PTPN3: variants seen among roughly 807,000 people sequenced by gnomAD.
The protein encoded by PTPN3 is protein tyrosine phosphatase non-receptor type 3.
PTPN3 carries 96 observed loss-of-function variants against 132.7 expected under a neutral mutation model. The observed-to-expected ratio is 0.72, with a 90% CI of 0.61 to 0.86. PTPN3 has a LOEUF of 0.86. Ranked by LOEUF, PTPN3 falls within the 40% of genes least tolerant of loss-of-function variation. PTPN3 has a pLI of 0.00. For missense variants in PTPN3, 1,125 were observed against 1,159.6 expected (o/e 0.97, Z 0.43); for synonymous variants, 398 against 429.0 (o/e 0.93, Z 0.89).
intron 2 of PTPN3, among the ~76,000 whole-genome samples, chr9:109,460,954 A>G (rs1298764694): frequency 6.6e-6 from 1 of 152,234 alleles, no homozygotes; most frequent in Non-Finnish European, 1.5e-5. Flanking sequence ...ACAAACATTC[A>G]TGTTTTCGTC....
chr9:109,410,211 C>G lies in PTPN3; in HGVS notation c.1500+18G>C. 6.2e-7 allele frequency: 1 copy of G among 1,611,814 alleles called. No homozygotes were observed. Among genetic ancestry groups the G allele is most frequent in the South Asian group, 1.1e-5 (1 of 90,920 alleles). ...AGCCCTGGGTGTGTGGATCACCCGGCTGCCTGCGCTCGCTCACCTTGTCAC... is the reference window on the plus strand; with the variant it reads ...AGCCCTGGGTGTGTGGATCACCCGGGTGCCTGCGCTCGCTCACCTTGTCAC... On this transcript the variant is annotated intron_variant, in intron 15 of 25. Coordinates refer to ENST00000374541, the MANE Select transcript of PTPN3 (RefSeq NM_002829.4).
intron 19 of PTPN3, among the ~76,000 whole-genome samples, chr9:109,402,327 T>C (rs2131705441): frequency 6.6e-6 from 1 of 152,244 alleles, no homozygotes; most frequent in African/African-American, 2.4e-5. Context: ...GGAGTCTTGC[T>C]CTGTCACCTA....
chr9:109,484,860 C>A lies in PTPN3; in HGVS notation c.-18+13359G>T, dbSNP rs369308532. Among the ~76,000 whole-genome samples the A allele has an allele frequency of 2.6e-5, 4 of 152,314 alleles. No homozygotes were observed. The South Asian group carries it at 8.3e-4, about 32-fold the overall frequency. On this transcript the variant is annotated intron_variant, in intron 1 of 25. Coordinates refer to ENST00000374541, the MANE Select transcript of PTPN3 (RefSeq NM_002829.4). ...GCCCTCTATGACCCCCCATCCTGCG[C>A]TAGGACAAAGCCTGGCTCCCAGGCA... is the stretch of plus-strand genomic sequence containing the variant.
chr9:109,382,672 G>A (rs546590837), intron 23 of PTPN3, among the ~76,000 whole-genome samples: 1 of 151,064 alleles, frequency 6.6e-6, no homozygotes, highest in East Asian at 2.0e-4. Flanking sequence ...GATCACTTCT[G>A]CCCAGTGATC....
chr9:109,500,649 G>T (rs1847851735), upstream of PTPN3, among the ~76,000 whole-genome samples: 1 of 150,202 alleles, frequency 6.7e-6, no homozygotes. Context: ...GCAGAAAACA[G>T]GTCGGGTGAG....
chr9:109,500,956 C>T (rs1339495124), upstream of PTPN3, among the ~76,000 whole-genome samples: 2 of 142,250 alleles, frequency 1.4e-5, no homozygotes, highest in African/African-American at 5.2e-5. Context: ...AAGCTAAAAA[C>T]ACAAATAGAT....
At chr9:109,522,703 A>G in the PTPN3 span, among the ~76,000 whole-genome samples, 2 of 152,226 alleles carry the variant, frequency 1.3e-5, no homozygotes, top group South Asian at 2.1e-4. Context: ...AATGCCACTC[A>G]TAGGAAACCA....
At chr9:109,454,026 A>T (rs1391032255) in intron 5 of PTPN3, among the ~76,000 whole-genome samples, 1 of 152,176 alleles carries the variant, frequency 6.6e-6, no homozygotes, top group Non-Finnish European at 1.5e-5. Context: ...AACAAAAAAA[A>T]AGAAAGAAAA....
chr9:109,443,975 C>G (rs1481432998), intron 7 of PTPN3, among the ~76,000 whole-genome samples: 2 of 152,166 alleles, frequency 1.3e-5, no homozygotes, highest in Non-Finnish European at 2.9e-5. Context: ...TCCTTCATTT[C>G]TGTTCTTTCC....
intron 14 of PTPN3, among the ~76,000 whole-genome samples, chr9:109,413,086 C>T (rs888201749): frequency 1.3e-5 from 2 of 151,856 alleles, no homozygotes; most frequent in Non-Finnish European, 2.9e-5. Context: ...GCTGGGACTA[C>T]AAGCACCTGC....
the PTPN3 span, chr9:109,534,286 G>T: frequency 6.5e-7 from 1 of 1,541,904 alleles, no homozygotes; most frequent in Non-Finnish European, 8.7e-7. Flanking sequence ...GGGGGGCGGC[G>T]AGCGGCAAGC....
At chr9:109,492,436 C>T (rs1263702515) in intron 1 of PTPN3, among the ~76,000 whole-genome samples, 1 of 152,214 alleles carries the variant, frequency 6.6e-6, no homozygotes, top group Non-Finnish European at 1.5e-5. Flanking sequence ...GGGACCTTCA[C>T]TCACCCACAG....
intron 12 of PTPN3, among the ~76,000 whole-genome samples, chr9:109,425,298 A>G (rs1843166097): frequency 6.6e-6 from 1 of 152,242 alleles, no homozygotes; most frequent in African/African-American, 2.4e-5. Context: ...AGTAACTGGA[A>G]CAGTCTGATG....
In PTPN3 at chr9:109,376,142, G is replaced by A. The variant is rs1000537702; in HGVS notation, c.*3414C>T. The A allele has an allele frequency of 2.0e-5, 3 of 152,160 alleles. No homozygotes were observed. Among genetic ancestry groups the A allele is most frequent in the African/African-American group, 7.2e-5 (3 of 41,428 alleles). The allele number at this position is 152,160 out of a possible 1,614,324, so 9.4% of individuals were successfully genotyped here. A position where few individuals can be genotyped will look rare whatever the true frequency, so the allele number is the denominator to read the frequency against. ...TTAATTTTGATTCTCTGGAATATCA[G>A]CCTCCCAGAATGGCAAATCTTGACC... On this transcript the variant is annotated 3_prime_UTR_variant, in exon 26 of 26. Transcript: ENST00000374541.
At chr9:109,428,582 T>C (rs1323382083) in intron 11 of PTPN3, 39 bp downstream of exon 11, 3 of 1,595,502 alleles carry the variant, frequency 1.9e-6, no homozygotes, top group Non-Finnish European at 2.6e-6. Context: ...CACACATACA[T>C]ATGCACGAAA....
At chr9:109,511,914 A>G in the PTPN3 span, among the ~76,000 whole-genome samples, 72,089 of 152,048 alleles carry the variant, frequency 0.47, 17,812 homozygotes, top group South Asian at 0.59. Flanking sequence ...TTGCCTTTAT[A>G]TCCCAGTTCC....
At chr9:109,414,785 G>A (rs910207357) in intron 14 of PTPN3, among the ~76,000 whole-genome samples, 4 of 151,928 alleles carry the variant, frequency 2.6e-5, no homozygotes, top group African/African-American at 9.7e-5. Flanking sequence ...AATTCTCTGA[G>A]GAGAATTTCT....
chr9:109,490,670 C>A (rs10979888), intron 1 of PTPN3, among the ~76,000 whole-genome samples: 43,169 of 151,556 alleles, frequency 0.28, 6,568 homozygotes, highest in Non-Finnish European at 0.32. Context: ...ACCCAGGAGT[C>A]GGATGCTGCA....
At chr9:109,486,045 A>G (rs1026819069) in intron 1 of PTPN3, among the ~76,000 whole-genome samples, 1 of 152,248 alleles carries the variant, frequency 6.6e-6, no homozygotes, top group Non-Finnish European at 1.5e-5. Flanking sequence ...CAGTATGAAC[A>G]GACTGAAGAC....
Sources: allele counts gnomAD v4.1 joint callset (sites outside exome capture counted in the v4.1 genomes callset), GRCh38; gene constraint gnomAD v4.1.1; transcripts MANE v1.5; gene names NCBI Gene and HGNC (gene_info 2026-07-23, HGNC 2026-07-21).